PRSS27: variants seen among roughly 807,000 people sequenced by gnomAD.
PRSS27 encodes the protein serine protease 27, also known as channel-activating protease 2.
Under a neutral mutation model 32.0 loss-of-function variants are expected in PRSS27, and 25 were observed. That is an observed-to-expected ratio of 0.78 (90% CI 0.57 to 1.09). PRSS27 has a LOEUF of 1.09. Ranked by LOEUF, PRSS27 falls within the 50% of genes least tolerant of loss-of-function variation. The pLI, the probability that PRSS27 is intolerant of heterozygous loss-of-function variation, is 0.00. For missense variants in PRSS27, 401 were observed against 394.9 expected, an observed-to-expected ratio of 1.02 and a Z score of -0.13; for synonymous variants, 178 against 172.2, an observed-to-expected ratio of 1.03 and a Z score of -0.26.
In PRSS27 at chr16:2,714,918, TTTTG is replaced by T. The variant is rs1330756241; in HGVS notation, c.237-586_237-583del. 3 of 154,208 alleles carry T rather than the reference TTTTG, an allele frequency of 1.9e-5. No individual in the cohort carries two copies. The highest frequency in any genetic ancestry group is 2.9e-5 in the Non-Finnish European group (2 of 69,592). The allele number at this position is 154,208 out of a possible 1,614,324, so 9.6% of individuals were successfully genotyped here. On this transcript the variant is annotated intron_variant, in intron 3 of 5. Coordinates refer to ENST00000302641, the MANE Select transcript of PRSS27 (RefSeq NM_031948.5). This position sits in a 1 kb window ranked among gnomAD's most constrained non-coding sequence, Gnocchi z 4.7. ...CCTGGGGTTTTTTTGTTTGTTTGTT[TTTTG>T]TTTTTTAATTTTTTTTTATTTTTAG...
Position 2,712,911 on chromosome 16 carries a change from T to C in PRSS27, c.679-97A>G. ...GGTGTGTAGCTCCGCAATGGATTCCTTCTCTCCATCCCAGAGCCTCTCTGC... is the reference window on the plus strand; with the variant it reads ...GGTGTGTAGCTCCGCAATGGATTCCCTCTCTCCATCCCAGAGCCTCTCTGC... On this transcript the variant is annotated intron_variant, in intron 5 of 5. Transcript: ENST00000302641. The surrounding 1 kb of genome is among the most constrained non-coding windows in gnomAD (Gnocchi z 4.6). 1.0e-6 allele frequency: 1 copy of C among 972,546 alleles called. No homozygotes were observed. The highest frequency in any genetic ancestry group is 1.5e-6 in the Non-Finnish European group (1 of 678,906). 60.2% of individuals were successfully genotyped at this position (972,546 alleles called of 1,614,324 possible). A position where few individuals can be genotyped will look rare whatever the true frequency, so the allele number is the denominator to read the frequency against.
chr16:2,716,003 G>C (rs2067700166), intron 2 of PRSS27, 123 bp from the exon 3 acceptor site: 6 of 862,836 alleles, frequency 7.0e-6, no homozygotes, highest in Non-Finnish European at 1.0e-5. Flanking sequence ...GAAGACCTTG[G>C]GGAAGTCGGA....
At chr16:2,713,172 C>T (rs1195005153) in intron 5 of PRSS27, 2 of 463,712 alleles carry the variant, frequency 4.3e-6, no homozygotes, top group East Asian at 4.2e-5. Context: ...GATCTCGGCT[C>T]ACTGCAAGCT....
Position 2,714,744 on chromosome 16 carries a change from T to C in PRSS27, c.237-408A>G, listed in dbSNP as rs1211190407. On this transcript the variant is annotated intron_variant, in intron 3 of 5. Coordinates refer to ENST00000302641, the MANE Select transcript of PRSS27 (RefSeq NM_031948.5). The surrounding 1 kb of genome is among the most constrained non-coding windows in gnomAD (Gnocchi z 4.7). Reference sequence around the variant, plus strand: ...TCTCTCAGCCCGAGTTTCCGATTTTTTTTTTCCCCTAGAGACAGAGTTCTC... The same window carrying C: ...TCTCTCAGCCCGAGTTTCCGATTTTCTTTTTCCCCTAGAGACAGAGTTCTC... 17 of 245,690 alleles carry C rather than the reference T, an allele frequency of 6.9e-5. No individual in the cohort carries two copies. Among genetic ancestry groups the C allele is most frequent in the Non-Finnish European group, 1.6e-5 (2 of 123,340 alleles). The allele number at this position is 245,690 out of a possible 1,614,324, so 15.2% of individuals were successfully genotyped here.
chr16:2,716,488 CTGGG>C lies in PRSS27; in HGVS notation c.73+8_73+11del. On this transcript the variant is annotated splice_region_variant and intron_variant, in intron 2 of 5. Coordinates refer to ENST00000302641, the MANE Select transcript of PRSS27 (RefSeq NM_031948.5). ...CTCCTGTCCCTCCCACCCCAGGGCC[CTGGG>C]TGCTTACCTGTTGCTGCCTTGGCCC... 1 of 1,604,266 alleles carries C rather than the reference CTGGG, an allele frequency of 6.2e-7. No homozygotes were observed. Among genetic ancestry groups the C allele is most frequent in the South Asian group, 1.1e-5 (1 of 89,060 alleles).
In PRSS27 at chr16:2,714,009, C is replaced by A; in HGVS notation, c.508+56G>T. 6.5e-7 allele frequency: 1 copy of A among 1,527,484 alleles called. No homozygotes were observed. The highest frequency in any genetic ancestry group is 8.9e-7 in the Non-Finnish European group (1 of 1,129,898). 94.6% of individuals were successfully genotyped at this position (1,527,484 alleles called of 1,614,324 possible). On this transcript the variant is annotated intron_variant, in intron 4 of 5. Transcript: ENST00000302641. This position sits in a 1 kb window ranked among gnomAD's most constrained non-coding sequence, Gnocchi z 4.7. ...TGTGGGTTCAGAGTGGTCCCCAAGC[C>A]GTCCTGGGCCTTCTTGAGGCATATC... is the stretch of plus-strand genomic sequence containing the variant.
At position 2,714,412 on chromosome 16, in the gene PRSS27, C is replaced by G. The variant is rs771225374; in HGVS notation, c.237-76G>C. On this transcript the variant is annotated intron_variant, in intron 3 of 5. Coordinates refer to ENST00000302641, the MANE Select transcript of PRSS27 (RefSeq NM_031948.5). This position sits in a 1 kb window ranked among gnomAD's most constrained non-coding sequence, Gnocchi z 4.7. Reference sequence around the variant, plus strand: ...AGGCCCGGGAGGGGCTGGGGCTCCTCTGGCCACCACCGTGCCCCACACCTC... The same window carrying G: ...AGGCCCGGGAGGGGCTGGGGCTCCTGTGGCCACCACCGTGCCCCACACCTC... 8 of 1,515,058 alleles carry G rather than the reference C, an allele frequency of 5.3e-6. No homozygotes were observed. In the South Asian group the frequency reaches 9.4e-5, roughly 18 times the overall value. The allele number at this position is 1,515,058 out of a possible 1,614,324, so 93.9% of individuals were successfully genotyped here. A position where few individuals can be genotyped will look rare whatever the true frequency, so the allele number is the denominator to read the frequency against.
At chr16:2,715,636 C>T in intron 3 of PRSS27, 82 bp downstream of exon 3, 2 of 1,160,670 alleles carry the variant, frequency 1.7e-6, no homozygotes, top group Non-Finnish European at 2.3e-6. Flanking sequence ...TTTGGCGCGG[C>T]GGGCGCTGTC....
At chr16:2,716,345 C>G (rs892631389) in intron 2 of PRSS27, 155 bp downstream of exon 2, 4 of 722,528 alleles carry the variant, frequency 5.5e-6, no homozygotes, top group Non-Finnish European at 9.5e-6. Flanking sequence ...TCCTCCTCCT[C>G]TCCTTTCTGG....
At chr16:2,719,026 A>C (rs1408921809) in intron 1 of PRSS27, among the ~76,000 whole-genome samples, 1 of 152,064 alleles carries the variant, frequency 6.6e-6, no homozygotes, top group Non-Finnish European at 1.5e-5. Context: ...GGGGATGGTG[A>C]AGCTTAGTGG....
intron 1 of PRSS27, among the ~76,000 whole-genome samples, chr16:2,719,707 C>T (rs530841350): frequency 7.0e-4 from 106 of 152,290 alleles, no homozygotes; most frequent in African/African-American, 2.2e-3. Flanking sequence ...CCTCCCACCC[C>T]GAGTATGATG....
chr16:2,713,443 A>G (rs2067678412), intron 5 of PRSS27, 86 bp downstream of exon 5: 5 of 1,371,682 alleles, frequency 3.6e-6, no homozygotes, highest in South Asian at 1.2e-5. Context: ...GGTTGAATGC[A>G]TAGCCCATGG....
rs2067671837 is a variant in PRSS27 at position 2,712,860 on chromosome 16, A to G, written c.679-46T>C. On this transcript the variant is annotated intron_variant, in intron 5 of 5. Transcript: ENST00000302641. This position sits in a 1 kb window ranked among gnomAD's most constrained non-coding sequence, Gnocchi z 4.6. ...CCGTCAGAGCCCACCTTGAGTTCCCAGAGACTCAGTTGCAGCCGCACAGGA... is the reference window on the plus strand; with the variant it reads ...CCGTCAGAGCCCACCTTGAGTTCCCGGAGACTCAGTTGCAGCCGCACAGGA... 3 of 1,428,994 alleles carry G rather than the reference A, an allele frequency of 2.1e-6. No homozygotes were observed. The highest frequency in any genetic ancestry group is 2.9e-5 in the African/African-American group (2 of 69,776). The allele number at this position is 1,428,994 out of a possible 1,614,324, so 88.5% of individuals were successfully genotyped here. A position where few individuals can be genotyped will look rare whatever the true frequency, so the allele number is the denominator to read the frequency against.
chr16:2,712,804 C>G lies in PRSS27; in HGVS notation c.689G>C (p.Gly230Ala). The G allele has an allele frequency of 6.4e-7, 1 of 1,564,670 alleles. No homozygotes were observed. Among genetic ancestry groups the G allele is most frequent in the Non-Finnish European group, 8.7e-7 (1 of 1,152,776 alleles). Residue 230 changes from glycine (G) to alanine (A), a missense_variant, in exon 6 of 6, where the codon GGC becomes GCC. Coordinates refer to ENST00000302641, the MANE Select transcript of PRSS27 (RefSeq NM_031948.5). The surrounding 1 kb of genome is among the most constrained non-coding windows in gnomAD (Gnocchi z 4.6). ...ACCCACGAGGCACACCAGGGGGCCG[C>G]CCGAGTCGCCCTGCGGGGGACGCAG... Reference protein sequence around the residue: ...GKKDACKGDSGGPLVCLVGQS... With the variant: ...GKKDACKGDSAGPLVCLVGQS...
rs2067685046 is a variant in PRSS27, at chr16:2,714,156, G to A, written c.417C>T (p.Tyr139=). The part of the protein sequence containing the change: ...ELEAPVPFTN[Y]ILPVCLPDPS... ...GGTCAGGCAGGCACACGGGGAGGAT[G>A]TAATTGGTGAAGGGCACTGGTGCCT... The change falls in exon 4 of 6, where the codon TAC becomes TAT. Residue 139 remains tyrosine, a synonymous_variant. Coordinates refer to ENST00000302641, the MANE Select transcript of PRSS27 (RefSeq NM_031948.5). This position sits in a 1 kb window ranked among gnomAD's most constrained non-coding sequence, Gnocchi z 4.7. 6.2e-7 allele frequency: 1 copy of A among 1,614,136 alleles called. No homozygotes were observed. The highest frequency in any genetic ancestry group is 8.5e-7 in the Non-Finnish European group (1 of 1,180,032).
At chr16:2,715,013 G>C (rs557952669) in intron 3 of PRSS27, 1 of 152,304 alleles carries the variant, frequency 6.6e-6, no homozygotes. Flanking sequence ...TGATCTGCCC[G>C]CCTTGGCCTC....
chr16:2,714,559 C>T lies in PRSS27; in HGVS notation c.237-223G>A, dbSNP rs2067689336. On this transcript the variant is annotated intron_variant, in intron 3 of 5. Transcript: ENST00000302641. The surrounding 1 kb of genome is among the most constrained non-coding windows in gnomAD (Gnocchi z 4.7). ...ACCTCCACCCCTGGCCGCTGTGTGG[C>T]CTTGGGCAAGTCACTTAACAAGTTC... The T allele has an allele frequency of 1.7e-6, 1 of 598,802 alleles. No homozygotes were observed. Among genetic ancestry groups the T allele is most frequent in the Non-Finnish European group, 3.0e-6 (1 of 335,630 alleles). 37.1% of individuals were successfully genotyped at this position (598,802 alleles called of 1,614,324 possible).
At chr16:2,716,377 C>A in intron 2 of PRSS27, 123 bp downstream of exon 2, 2 of 909,646 alleles carry the variant, frequency 2.2e-6, no homozygotes, top group South Asian at 1.4e-5. Context: ...ACACAGCCCC[C>A]ACTTTCCCCT....
At chr16:2,719,258 G>A (rs1176272169) in intron 1 of PRSS27, among the ~76,000 whole-genome samples, 2 of 152,196 alleles carry the variant, frequency 1.3e-5, no homozygotes, top group East Asian at 3.9e-4. Context: ...CCTTGTGCTG[G>A]GAGACTGGGG....
Sources: gnomAD v4.1 joint callset for allele counts (sites outside exome capture counted in the v4.1 genomes callset) on GRCh38, gnomAD v4.1.1 for gene constraint, Gnocchi (gnomAD v3.1) non-coding constraint, MANE v1.5 for transcripts, NCBI Gene and HGNC (gene_info 2026-07-23, HGNC 2026-07-21) for gene names.